ATP8B1: variants seen among roughly 807,000 people sequenced by gnomAD.
The protein encoded by ATP8B1 is ATPase phospholipid transporting 8B1.
A neutral mutation model predicts 149.9 loss-of-function variants in ATP8B1; 80 were observed. The observed-to-expected ratio is 0.53, with a 90% CI of 0.45 to 0.64. The LOEUF is 0.64. Among genes scored for constraint, ATP8B1 ranks in the 30% least tolerant of loss-of-function variants. The probability of loss-of-function intolerance (pLI) is 0.00; values close to 1 mark genes in which losing one functional copy is unlikely to be tolerated. For synonymous variants in ATP8B1, 536 were observed against 562.8 expected, an observed-to-expected ratio of 0.95 and a Z score of 0.67; for missense variants, 1,247 against 1,552.6, an observed-to-expected ratio of 0.80 and a Z score of 3.31.
At chr18:57,716,888 C>G (rs558532461) in intron 2 of ATP8B1, among the ~76,000 whole-genome samples, 1 of 152,142 alleles carries the variant, frequency 6.6e-6, no homozygotes, top group Admixed American at 6.5e-5. Flanking sequence ...TTCCTCAGCA[C>G]GTGGATCATT....
chr18:57,749,799 T>C (rs2079998612), intron 1 of ATP8B1, among the ~76,000 whole-genome samples: 1 of 152,232 alleles, frequency 6.6e-6, no homozygotes, highest in Admixed American at 6.5e-5. Flanking sequence ...CAATAAATCA[T>C]GCCAGGGATA....
chr18:57,692,506 G>A (rs367762321), intron 11 of ATP8B1, among the ~76,000 whole-genome samples: 2 of 140,832 alleles, frequency 1.4e-5, no homozygotes, highest in Non-Finnish European at 3.0e-5. Flanking sequence ...TGCCATTGTG[G>A]CTCACTACAA....
Position 57,774,575 on chromosome 18 carries a change from G to A in ATP8B1, c.-26+28423C>T, listed in dbSNP as rs1006877795. Among the ~76,000 whole-genome samples, 5 of 152,076 alleles carry A rather than the reference G, an allele frequency of 3.3e-5. No individual in the cohort carries two copies. In the South Asian group the frequency reaches 6.3e-4, roughly 19 times the overall value. On this transcript the variant is annotated intron_variant, in intron 1 of 27. Coordinates refer to ENST00000648908, the MANE Select transcript of ATP8B1 (RefSeq NM_001374385.1). ...TGTGCCATTGCACTCCAGCCTGGGC[G>A]ACAGAGTGTGAGACTCCATCTCAAA...
At chr18:57,743,463 T>C (rs1343923802) in intron 1 of ATP8B1, among the ~76,000 whole-genome samples, 3 of 152,150 alleles carry the variant, frequency 2.0e-5, no homozygotes, top group Non-Finnish European at 2.9e-5. Context: ...CCTACACCAG[T>C]GAATTCTAAA....
At chr18:57,748,705 C>T (rs573428647) in intron 1 of ATP8B1, among the ~76,000 whole-genome samples, 1 of 152,340 alleles carries the variant, frequency 6.6e-6, no homozygotes, top group Non-Finnish European at 1.5e-5. Context: ...AAAGGAAAAA[C>T]TGTGGTTACC....
chr18:57,672,285 C>G (rs559333539), intron 16 of ATP8B1, among the ~76,000 whole-genome samples: 1 of 152,224 alleles, frequency 6.6e-6, no homozygotes, highest in African/African-American at 2.4e-5. Flanking sequence ...ACCACAACAC[C>G]ACTCCTAATG....
intron 11 of ATP8B1, among the ~76,000 whole-genome samples, chr18:57,692,817 G>A (rs1912609597): frequency 6.6e-6 from 1 of 152,120 alleles, no homozygotes; most frequent in African/African-American, 2.4e-5. Flanking sequence ...GCATGACATT[G>A]TAAAATAAGA....
intron 1 of ATP8B1, among the ~76,000 whole-genome samples, chr18:57,756,913 G>T (rs2080091068): frequency 6.6e-6 from 1 of 152,154 alleles, no homozygotes; most frequent in Non-Finnish European, 1.5e-5. Context: ...CTTGTAATTT[G>T]TGGGGAGACA....
chr18:57,779,687 C>T (rs1484192465), intron 1 of ATP8B1, among the ~76,000 whole-genome samples: 1 of 152,040 alleles, frequency 6.6e-6, no homozygotes, highest in African/African-American at 2.4e-5. Context: ...GTCACGAGGT[C>T]AGCACTTCGA....
chr18:57,775,064 A>C (rs903342486), intron 1 of ATP8B1, among the ~76,000 whole-genome samples: 1 of 133,598 alleles, frequency 7.5e-6, no homozygotes, highest in East Asian at 1.9e-4. Context: ...CTGTAATCCC[A>C]ACACTTTGGG....
chr18:57,750,477 T>A (rs2080005570), intron 1 of ATP8B1, among the ~76,000 whole-genome samples: 1 of 152,240 alleles, frequency 6.6e-6, no homozygotes, highest in African/African-American at 2.4e-5. Context: ...TGCCATCCTT[T>A]CAAATATTTC....
chr18:57,650,615 G>T (rs2122548133), intron 26 of ATP8B1, 118 bp from the exon 27 acceptor site: 24 of 1,267,460 alleles, frequency 1.9e-5, no homozygotes, highest in Non-Finnish European at 2.5e-5. Flanking sequence ...GGCCAAGGTG[G>T]GTGGATTGCC....
At chr18:57,667,950 C>T in intron 19 of ATP8B1, 1 of 643,642 alleles carries the variant, frequency 1.6e-6, no homozygotes, top group South Asian at 2.2e-5. Flanking sequence ...GTATCAATAC[C>T]AAACAAGTGC....
intron 12 of ATP8B1, 119 bp from the exon 13 acceptor site, chr18:57,688,626 G>A (rs1912380069): frequency 9.8e-7 from 1 of 1,017,672 alleles, no homozygotes; most frequent in Admixed American, 2.0e-5. Context: ...TGGTCTGAAT[G>A]TTAGAATCCC....
chr18:57,689,965 G>A (rs1912449118), intron 12 of ATP8B1, among the ~76,000 whole-genome samples: 1 of 152,180 alleles, frequency 6.6e-6, no homozygotes, highest in Non-Finnish European at 1.5e-5. Context: ...GCAGTGAGCT[G>A]AGATCGCGCG....
chr18:57,727,705 C>G (rs1464381200), intron 2 of ATP8B1, among the ~76,000 whole-genome samples: 3 of 152,184 alleles, frequency 2.0e-5, no homozygotes, highest in African/African-American at 7.2e-5. Context: ...AGGAGAATCG[C>G]TTGAACCCAG....
intron 27 of ATP8B1, among the ~76,000 whole-genome samples, chr18:57,649,196 A>ATCTATCTATCTATCTATCTATCTG (rs1555687119): frequency 6.6e-6 from 1 of 151,776 alleles, no homozygotes; most frequent in Non-Finnish European, 1.5e-5. Flanking sequence ...GGCTATATCT[A>ATCTATCTATCTATCTATCTATCTG]TCTATCTATC....
At position 57,686,577 on chromosome 18, in the gene ATP8B1, C is replaced by T. The variant is rs151237992; in HGVS notation, c.1430-1462G>A. ...CTGGGACTAGAGGCATCCACCACCA[C>T]GCCCAGGTAATTTTTGTACTTTTAG... is the stretch of plus-strand genomic sequence containing the variant. On this transcript the variant is annotated intron_variant, in intron 13 of 27. Coordinates refer to ENST00000648908, the MANE Select transcript of ATP8B1 (RefSeq NM_001374385.1). Among the ~76,000 whole-genome samples, 1,104 of 152,244 alleles carry T rather than the reference C, an allele frequency of 7.3e-3. 15 individuals are homozygous for T. Among genetic ancestry groups the T allele is most frequent in the African/African-American group, 0.026 (1,061 of 41,566 alleles).
At chr18:57,681,107 G>C (rs965106470) in intron 15 of ATP8B1, among the ~76,000 whole-genome samples, 2 of 152,174 alleles carry the variant, frequency 1.3e-5, no homozygotes, top group Non-Finnish European at 2.9e-5. Context: ...AATTAGATGA[G>C]CTTAGGACAG....
Sources: allele counts gnomAD v4.1 joint callset (sites outside exome capture counted in the v4.1 genomes callset), GRCh38; gene constraint gnomAD v4.1.1; transcripts MANE v1.5; gene names NCBI Gene and HGNC (gene_info 2026-07-23, HGNC 2026-07-21).